ETV1: variants seen among roughly 807,000 people sequenced by gnomAD.
ETV1 encodes the protein ETS variant transcription factor 1, also known as ETS translocation variant 1.
A neutral mutation model predicts 62.3 loss-of-function variants in ETV1; 27 were observed. The observed-to-expected ratio is 0.43, with a 90% CI of 0.32 to 0.60. The LOEUF (loss-of-function observed/expected upper bound fraction) is 0.60. ETV1 is among the 20% of genes least tolerant of loss of function. The pLI, the probability that ETV1 is intolerant of heterozygous loss-of-function variation, is 0.06. For synonymous variants in ETV1, 222 were observed against 199.6 expected (o/e 1.11, Z -0.94); for missense variants, 605 against 605.8 (o/e 1.00, Z 0.01).
intron 9 of ETV1, among the ~76,000 whole-genome samples, chr7:13,916,256 T>C (rs937089412): frequency 3.9e-5 from 6 of 152,200 alleles, no homozygotes; most frequent in Non-Finnish European, 7.3e-5. Flanking sequence ...CTGAATCTAC[T>C]ATTGATTGAG....
At chr7:13,939,426 C>G (rs530735971) in intron 6 of ETV1, among the ~76,000 whole-genome samples, 180 bp from the exon 7 acceptor site, 56 of 152,290 alleles carry the variant, frequency 3.7e-4, no homozygotes, top group African/African-American at 1.3e-3. Context: ...TCATATACGC[C>G]TTTTCTGCCT....
chr7:13,988,722 T>A, intron 3 of ETV1: 1 of 1,612,838 alleles, frequency 6.2e-7, no homozygotes, highest in East Asian at 2.2e-5. Flanking sequence ...CCAAAAACTT[T>A]GAGTGCAGCA....
At chr7:13,941,802 A>G (rs1056559343) in intron 6 of ETV1, among the ~76,000 whole-genome samples, 1 of 151,518 alleles carries the variant, frequency 6.6e-6, no homozygotes, top group Non-Finnish European at 1.5e-5. Context: ...CCCGCGAAGC[A>G]GAGTTTGCCG....
At chr7:13,917,003 C>G (rs1167606616) in intron 9 of ETV1, among the ~76,000 whole-genome samples, 1 of 151,490 alleles carries the variant, frequency 6.6e-6, no homozygotes, top group African/African-American at 2.4e-5. Flanking sequence ...ATGCAGTTAT[C>G]GCAGTTATCT....
chr7:13,926,746 T>C (rs1785469494), intron 9 of ETV1, among the ~76,000 whole-genome samples: 1 of 152,192 alleles, frequency 6.6e-6, no homozygotes, highest in South Asian at 2.1e-4. Flanking sequence ...TTGGATCTTT[T>C]AGAACCTAGT....
chr7:13,989,203 CA>C, intron 2 of ETV1, 64 bp from the exon 3 acceptor site: 3 of 651,498 alleles, frequency 4.6e-6, no homozygotes, highest in Non-Finnish European at 7.9e-6. Flanking sequence ...CTTGAATTTG[CA>C]TAGCTAATTA....
chr7:13,988,316 T>C, intron 3 of ETV1, 143 bp from the exon 4 acceptor site: 1 of 610,382 alleles, frequency 1.6e-6, no homozygotes, highest in Non-Finnish European at 2.9e-6. Flanking sequence ...AAGTCCATAG[T>C]ATCAACTCTA....
In ETV1 at chr7:13,895,660, T is replaced by A. The variant is rs1263322634; in HGVS notation, c.*206A>T. The A allele has an allele frequency of 1.8e-6, 1 of 555,424 alleles. No individual in the cohort carries two copies. Among genetic ancestry groups the A allele is most frequent in the African/African-American group, 1.9e-5 (1 of 53,456 alleles). The allele number at this position is 555,424 out of a possible 1,614,324, so 34.4% of individuals were successfully genotyped here. On this transcript the variant is annotated 3_prime_UTR_variant, in exon 14 of 14. Transcript: ENST00000430479. ...TTAGCTTCCTGTTACACAGAATAAA[T>A]GTTTAGATTACTCCCACCCACCCTC...
Position 13,891,374 on chromosome 7 carries a change from G to T in ETV1, c.*4492C>A, listed in dbSNP as rs113940315. ...ATTAAAAATTTTCTTCCCCATAGAA[G>T]CATAAATATAATTTTAGAATGAAAG... On this transcript the variant is annotated 3_prime_UTR_variant, in exon 14 of 14. Coordinates refer to ENST00000430479, the MANE Select transcript of ETV1 (RefSeq NM_004956.5). 3.0e-5 allele frequency: 7 copies of T among 230,996 alleles called. No homozygotes were observed. The highest frequency in any genetic ancestry group is 1.3e-4 in the African/African-American group (6 of 45,206). 14.3% of individuals were successfully genotyped at this position (230,996 alleles called of 1,614,324 possible).
chr7:13,945,594 T>C (rs965618049), intron 6 of ETV1, among the ~76,000 whole-genome samples: 7 of 152,246 alleles, frequency 4.6e-5, no homozygotes, highest in Non-Finnish European at 1.0e-4. Context: ...GTAGGCTACA[T>C]TATTTTCCTT....
At chr7:13,935,917 G>C in intron 7 of ETV1, 21 bp from the exon 8 acceptor site, 1 of 1,556,128 alleles carries the variant, frequency 6.4e-7, no homozygotes, top group South Asian at 1.2e-5. Flanking sequence ...GACAAAAGAA[G>C]AGAGAACATT....
chr7:13,924,991 T>G (rs1277436950), intron 9 of ETV1, among the ~76,000 whole-genome samples: 2 of 152,212 alleles, frequency 1.3e-5, no homozygotes, highest in African/African-American at 4.8e-5. Flanking sequence ...GGAGTGGCCT[T>G]AAGAAACACA....
At chr7:13,935,673 A>T in intron 8 of ETV1, 35 bp downstream of exon 8, 1 of 1,586,158 alleles carries the variant, frequency 6.3e-7, no homozygotes, top group African/African-American at 1.3e-5. Context: ...AGAACGCAAA[A>T]AACAGTTTCT....
chr7:13,968,817 G>C (rs1780566303), intron 6 of ETV1, among the ~76,000 whole-genome samples: 1 of 151,906 alleles, frequency 6.6e-6, no homozygotes, highest in East Asian at 1.9e-4. Flanking sequence ...GTAAGTAAAG[G>C]TTAAGAGACA....
intron 12 of ETV1, among the ~76,000 whole-genome samples, chr7:13,903,084 C>T (rs958071063): frequency 1.3e-5 from 2 of 152,104 alleles, no homozygotes; most frequent in African/African-American, 4.8e-5. Context: ...CCTTCACATA[C>T]GACCGACCAA....
intron 3 of ETV1, chr7:13,988,631 G>T (rs200979547): frequency 1.3e-3 from 957 of 727,072 alleles, no homozygotes; most frequent in Non-Finnish European, 1.5e-3. Flanking sequence ...AAAAAAAAAA[G>T]AAACAAAAAC....
intron 9 of ETV1, among the ~76,000 whole-genome samples, chr7:13,919,936 A>C (rs1784644479): frequency 6.6e-6 from 1 of 152,126 alleles, no homozygotes; most frequent in Non-Finnish European, 1.5e-5. Flanking sequence ...ATGTATCTTT[A>C]AACTGTCTCA....
intron 6 of ETV1, among the ~76,000 whole-genome samples, chr7:13,943,122 G>A (rs1787756591): frequency 6.6e-6 from 1 of 152,184 alleles, no homozygotes; most frequent in South Asian, 2.1e-4. Flanking sequence ...CAAAATATCA[G>A]TAAGACAAGA....
chr7:13,919,986 T>C (rs187859136), intron 9 of ETV1, among the ~76,000 whole-genome samples: 9 of 152,286 alleles, frequency 5.9e-5, no homozygotes, highest in Admixed American at 2.6e-4. Context: ...AAAACAGTTG[T>C]ATGTTCACTT....
Sources: gnomAD v4.1 joint callset for allele counts (sites outside exome capture counted in the v4.1 genomes callset) on GRCh38, gnomAD v4.1.1 for gene constraint, MANE v1.5 for transcripts, NCBI Gene and HGNC (gene_info 2026-07-23, HGNC 2026-07-21) for gene names.